ABCB9: variants seen among roughly 807,000 people sequenced by gnomAD.
ABCB9 encodes the protein ABC-type oligopeptide transporter ABCB9.
Under a neutral mutation model 62.0 loss-of-function variants are expected in ABCB9, and 36 were observed. The observed-to-expected ratio is 0.58, with a 90% CI of 0.45 to 0.77. The LOEUF is 0.77. Among genes scored for constraint, ABCB9 ranks in the 30% least tolerant of loss-of-function variants. The pLI is 0.00. For missense variants in ABCB9, 943 were observed against 1,054.7 expected (o/e 0.89, Z 1.47); for synonymous variants, 435 against 461.4 (o/e 0.94, Z 0.73).
chr12:122,972,203 C>T (rs2037284329), intron 1 of ABCB9, among the ~76,000 whole-genome samples: 3 of 151,998 alleles, frequency 2.0e-5, no homozygotes, highest in Non-Finnish European at 4.4e-5. Context: ...AGCCACCGCG[C>T]CCGGCTAATT....
upstream of ABCB9, among the ~76,000 whole-genome samples, chr12:122,968,356 C>CTTAT (rs927458493): frequency 7.2e-5 from 11 of 152,224 alleles, no homozygotes; most frequent in African/African-American, 2.4e-4. Context: ...ATAAAGATAT[C>CTTAT]GACTGCATCA....
Position 122,935,356 on chromosome 12 carries a change from C to T in ABCB9, c.1819G>A (p.Val607Met). The stretch of plus-strand genomic sequence containing the variant: ...GCCTCCACCACCATCTCGAAAGGCA[C>T]AGTGGGCAGGCCGTAGGAGATGTTA... ...TDNISYGLPTVPFEMVVEAAQ... is the reference protein window; with the variant it reads ...TDNISYGLPTMPFEMVVEAAQ... Residue 607 changes from valine to methionine, a missense_variant, in exon 10 of 12, where the codon GTG becomes ATG. By Grantham distance (21) the Val-to-Met change is conservative (BLOSUM62 1). Transcript: ENST00000280560. The T allele has an allele frequency of 6.2e-7, 1 of 1,614,136 alleles. No individual in the cohort carries two copies. Among genetic ancestry groups the T allele is most frequent in the Non-Finnish European group, 8.5e-7 (1 of 1,180,024 alleles).
In ABCB9 at chr12:122,929,424, T is replaced by A. The variant is rs2035021689; in HGVS notation, c.*487A>T. ...GAAAATCCCGTTCCCCGTGTCTCCC[T>A]CCGGGACAGGGAAGCCCCTTCTCTG... On this transcript the variant is annotated 3_prime_UTR_variant, in exon 12 of 12. Coordinates refer to ENST00000280560, the MANE Select transcript of ABCB9 (RefSeq NM_019625.4). The surrounding 1 kb of genome is among the most constrained non-coding windows in gnomAD (Gnocchi z 6.0). The A allele has an allele frequency of 2.0e-6, 2 of 987,282 alleles. No individual in the cohort carries two copies. The highest frequency in any genetic ancestry group is 9.4e-5 in the South Asian group (2 of 21,300). 61.2% of individuals were successfully genotyped at this position (987,282 alleles called of 1,614,324 possible). A position where few individuals can be genotyped will look rare whatever the true frequency, so the allele number is the denominator to read the frequency against.
intron 2 of ABCB9, among the ~76,000 whole-genome samples, chr12:122,958,111 G>A (rs530390957): frequency 2.0e-5 from 3 of 147,016 alleles, no homozygotes; most frequent in Non-Finnish European, 3.0e-5. Context: ...TGGAGGTTGC[G>A]GTGAGCCAAG....
chr12:122,950,049 G>A (rs2036277100), intron 3 of ABCB9, 131 bp from the exon 4 acceptor site: 17 of 1,287,108 alleles, frequency 1.3e-5, no homozygotes, highest in Admixed American at 1.9e-5. Flanking sequence ...CATCCCTGCG[G>A]GGTCCCCCTC....
intron 7 of ABCB9, among the ~76,000 whole-genome samples, chr12:122,943,074 G>A (rs549967240): frequency 3.9e-5 from 6 of 152,200 alleles, no homozygotes; most frequent in Middle Eastern, 3.4e-3. Context: ...TTGTGGGAGC[G>A]AGGCAGACAA....
chr12:122,946,039 C>A lies in ABCB9; in HGVS notation c.1237G>T (p.Val413Phe), dbSNP rs143405953. Residue 413 changes from valine to phenylalanine, a missense_variant, in exon 6 of 12, where the codon GTC (valine) becomes TTC (phenylalanine). By Grantham distance (50) the Val-to-Phe change is conservative. Coordinates refer to ENST00000280560, the MANE Select transcript of ABCB9 (RefSeq NM_019625.4). ...GGGGCACGTACCCCGCTGCCCCAGA[C>A]GTAGTACATGTAGGCAGCTGCCTCC... ...RKEAAAYMYY[V>F]WGSGLTLLVV... The A allele has an allele frequency of 3.7e-6, 6 of 1,613,698 alleles. No homozygotes were observed. In the African/African-American group the frequency reaches 4.0e-5, roughly 11 times the overall value.
chr12:122,919,247 T>C (rs1238696537), downstream of ABCB9, among the ~76,000 whole-genome samples: 3 of 152,084 alleles, frequency 2.0e-5, no homozygotes, highest in East Asian at 1.9e-4. Flanking sequence ...CCATGGTTCG[T>C]TGCAGCCTCA....
rs2035087085 is a variant in ABCB9, at chr12:122,930,329, G to A, written c.2041-158C>T. 8.2e-6 allele frequency: 6 copies of A among 731,906 alleles called. No homozygotes were observed. The South Asian group carries it at 1.0e-4, about 12-fold the overall frequency. 45.3% of individuals were successfully genotyped at this position (731,906 alleles called of 1,614,324 possible). A position where few individuals can be genotyped will look rare whatever the true frequency, so the allele number is the denominator to read the frequency against. On this transcript the variant is annotated intron_variant, in intron 11 of 11. Transcript: ENST00000280560. The surrounding 1 kb of genome is among the most constrained non-coding windows in gnomAD (Gnocchi z 4.9). ...TTTTTCTTAAAGGGAGACAGCTCAG[G>A]GCCAGACACAATGAGGCACCTGGTG... is the stretch of plus-strand genomic sequence containing the variant.
At position 122,940,216 on chromosome 12, in the gene ABCB9, G is replaced by C; in HGVS notation, c.1638C>G (p.Ser546Arg). 1 of 1,613,118 alleles carries C rather than the reference G, an allele frequency of 6.2e-7. No homozygotes were observed. The highest frequency in any genetic ancestry group is 8.5e-7 in the Non-Finnish European group (1 of 1,179,464). The change falls in exon 9 of 12, where the codon AGC (serine) becomes AGG (arginine). Residue 546 changes from serine (S) to arginine (R), a missense_variant. Physicochemically the swap from Ser to Arg is moderately radical, Grantham distance 110. Transcript: ENST00000280560. This position sits in a 1 kb window ranked among gnomAD's most constrained non-coding sequence, Gnocchi z 4.8. ...AGTTCTCCAGGATGTTGACACAGGA[G>C]CTCTTCCCACTGCCCGAGGGCCCCA... ...ALVGPSGSGKSSCVNILENFY... is the reference protein window; with the variant it reads ...ALVGPSGSGKRSCVNILENFY...
chr12:122,929,940 G>T lies in ABCB9; in HGVS notation c.2272C>A (p.Pro758Thr). Reference sequence around the variant, plus strand: ...GCCTTGTGACTGCCGTTGGCTACAGGCTCGTTGTGGCCAGCTGTGAAGTCT... The same window carrying T: ...GCCTTGTGACTGCCGTTGGCTACAGTCTCGTTGTGGCCAGCTGTGAAGTCT... The part of the protein sequence containing the change: ...AADFTAGHNE[P>T]VANGSHKA Residue 758 changes from proline (P) to threonine (T), a missense_variant, in exon 12 of 12, where the codon CCT becomes ACT. Physicochemically the swap from Pro to Thr is conservative, Grantham distance 38 (BLOSUM62 -1). Transcript: ENST00000280560. The surrounding 1 kb of genome is among the most constrained non-coding windows in gnomAD (Gnocchi z 6.0). The T allele has an allele frequency of 6.4e-7, 1 of 1,568,702 alleles. No homozygotes were observed.
chr12:122,960,863 GGT>G (rs2036855784), intron 1 of ABCB9, among the ~76,000 whole-genome samples: 1 of 151,758 alleles, frequency 6.6e-6, no homozygotes, highest in African/African-American at 2.4e-5. Context: ...TGGGCAACAG[GGT>G]GAGACCCTGT....
downstream of ABCB9, among the ~76,000 whole-genome samples, chr12:122,919,136 A>G (rs2034687562): frequency 6.6e-6 from 1 of 152,104 alleles, no homozygotes; most frequent in Non-Finnish European, 1.5e-5. Context: ...CAGTTTGTTT[A>G]TCCATTCATA....
chr12:122,972,034 T>C (rs980338456), intron 1 of ABCB9, among the ~76,000 whole-genome samples: 16 of 131,822 alleles, frequency 1.2e-4, no homozygotes, highest in Non-Finnish European at 1.6e-4. Context: ...TCATTCATAA[T>C]GTCTTTTTTT....
chr12:122,923,610 A>G (rs2034812554), intron 11 of ABCB9, among the ~76,000 whole-genome samples: 2 of 152,172 alleles, frequency 1.3e-5, no homozygotes, highest in Non-Finnish European at 1.5e-5. Context: ...TACATTGGCT[A>G]ATTTTTAATT....
At chr12:122,954,073 G>T (rs1268047735) in intron 2 of ABCB9, among the ~76,000 whole-genome samples, 2 of 151,964 alleles carry the variant, frequency 1.3e-5, no homozygotes, top group African/African-American at 4.8e-5. Flanking sequence ...GGAGGCCGAG[G>T]TGGGAGGATC....
rs2135906702 is a variant in ABCB9 at position 122,959,155 on chromosome 12, C to T, written c.601+480G>A. ...TCACCTGAGGTCAGGAGTTCAAGAC[C>T]AGCCTGGCCAACATGGCGAAAACCT... On this transcript the variant is annotated intron_variant, in intron 2 of 11. Transcript: ENST00000280560. The surrounding 1 kb of genome is among the most constrained non-coding windows in gnomAD (Gnocchi z 5.4). 6.6e-6 allele frequency among the ~76,000 whole-genome samples: 1 copy of T among 151,396 alleles called. No individual in the cohort carries two copies. Among genetic ancestry groups the T allele is most frequent in the East Asian group, 2.0e-4 (1 of 4,942 alleles).
At chr12:122,968,504 A>T (rs978510948), upstream of ABCB9, among the ~76,000 whole-genome samples, 16 of 152,180 alleles carry the variant, frequency 1.1e-4, 1 homozygote, top group Admixed American at 5.2e-4. Flanking sequence ...AGTATAGCAA[A>T]AATCAACAGG....
intron 2 of ABCB9, 146 bp from the exon 3 acceptor site, chr12:122,950,711 G>A: frequency 4.0e-5 from 27 of 671,618 alleles, no homozygotes; most frequent in South Asian, 3.9e-4. Context: ...GCTGCCCATC[G>A]TGGGGCCCCA....
Sources: allele counts gnomAD v4.1 joint callset (sites outside exome capture counted in the v4.1 genomes callset), GRCh38; gene constraint gnomAD v4.1.1; non-coding constraint Gnocchi (gnomAD v3.1); transcripts MANE v1.5; gene names NCBI Gene and HGNC (gene_info 2026-07-23, HGNC 2026-07-21).